The following SOHLH1 variants were observed in gnomAD, a reference collection of about 807,000 sequenced individuals.
SOHLH1 encodes spermatogenesis- and oogenesis-specific basic helix-loop-helix-containing protein 1.
Under a neutral mutation model 36.2 loss-of-function variants are expected in SOHLH1, and 23 were observed. That is an observed-to-expected ratio of 0.64 (90% confidence interval 0.46 to 0.90). The LOEUF (loss-of-function observed/expected upper bound fraction) is 0.90, where lower values mean the gene tolerates loss of function less well. SOHLH1 is among the 40% of genes least tolerant of loss of function. The pLI is 0.00. For synonymous variants in SOHLH1, 289 were observed against 228.3 expected, an observed-to-expected ratio of 1.27 and a Z score of -2.40; for missense variants, 608 against 517.0, an observed-to-expected ratio of 1.18 and a Z score of -1.71.
chr9:135,695,355 A>T, intron 5 of SOHLH1, 92 bp from the exon 6 acceptor site: 1 of 1,222,720 alleles, frequency 8.2e-7, no homozygotes, highest in Non-Finnish European at 1.2e-6. Flanking sequence ...CGGTCCACTC[A>T]CACTGACCGA....
chr9:135,694,422 G>A lies in SOHLH1; in HGVS notation c.911C>T (p.Ser304Phe). The part of the protein sequence containing the change: ...ALGSDVDDGT[S>F]FLLTAGPSSW... ...GCTGGGACCAGCAGTCAGCAGGAAG[G>A]ACGTCCCATCGTCCACATCAGACCC... Residue 304 changes from serine to phenylalanine, a missense_variant, in exon 7 of 8, where the codon TCC becomes TTC. Coordinates refer to ENST00000425225, the MANE Select transcript of SOHLH1 (RefSeq NM_001101677.2). The A allele has an allele frequency of 6.2e-7, 1 of 1,613,224 alleles. No individual in the cohort carries two copies. Among genetic ancestry groups the A allele is most frequent in the Non-Finnish European group, 8.5e-7 (1 of 1,180,010 alleles).
At chr9:135,697,759 CG>C in intron 3 of SOHLH1, 132 bp from the exon 4 acceptor site, 8 of 1,099,618 alleles carry the variant, frequency 7.3e-6, no homozygotes, top group Non-Finnish European at 9.2e-6. Context: ...AACTTGGGGG[CG>C]AGAGTACAGG....
chr9:135,696,851 C>T (rs748887569), intron 4 of SOHLH1, 46 bp from the exon 5 acceptor site: 31 of 1,599,190 alleles, frequency 1.9e-5, no homozygotes, highest in Non-Finnish European at 2.1e-5. Context: ...TTCCCCAGCC[C>T]CCTGGAAGGC....
chr9:135,697,009 C>T (rs916532661), intron 4 of SOHLH1, among the ~76,000 whole-genome samples: 4 of 152,168 alleles, frequency 2.6e-5, no homozygotes, highest in Admixed American at 1.3e-4. Flanking sequence ...CCAACTCCTC[C>T]GGTTCTAGAT....
rs1436100964 is a variant in SOHLH1 at position 135,699,460 on chromosome 9, G to A, written c.8C>T (p.Ser3Phe). ...CTCCGGGTAGGGCTCGGAGCACCGG[G>A]ACGCCATGAACTCGCAGCTGCGGAG... MA[S>F]RCSEPYPEVS... The change falls in exon 1 of 8, where the codon TCC becomes TTC. Residue 3 changes from serine to phenylalanine, a missense_variant. By Grantham distance (155) the Ser-to-Phe change is radical. Transcript: ENST00000425225. 1.9e-6 allele frequency: 3 copies of A among 1,612,210 alleles called. No homozygotes were observed. The highest frequency in any genetic ancestry group is 1.7e-5 in the Admixed American group (1 of 59,950).
upstream of SOHLH1, chr9:135,699,620 C>T (rs187519749): frequency 7.4e-6 from 6 of 806,908 alleles, no homozygotes; most frequent in African/African-American, 1.7e-5. Context: ...GCGCTCTAGC[C>T]CTCCCCACGC....
chr9:135,699,505 C>T (rs769270884), upstream of SOHLH1: 47 of 1,599,912 alleles, frequency 2.9e-5, no homozygotes, highest in East Asian at 2.3e-4. Flanking sequence ...GCGCACGGCC[C>T]CTTCCGCAGG....
At chr9:135,698,212 G>A (rs1834885495) in intron 3 of SOHLH1, 117 bp downstream of exon 3, 3 of 1,430,822 alleles carry the variant, frequency 2.1e-6, no homozygotes, top group African/African-American at 1.4e-5. Flanking sequence ...CTCTAGCCGT[G>A]GAGACCCAGA....
At chr9:135,701,312 A>G (rs1835027781), upstream of SOHLH1, among the ~76,000 whole-genome samples, 1 of 151,114 alleles carries the variant, frequency 6.6e-6, no homozygotes. Context: ...TGGGGAGGCC[A>G]GGGACCACAA....
chr9:135,699,314 A>C, intron 1 of SOHLH1, 89 bp downstream of exon 1: 1 of 1,511,208 alleles, frequency 6.6e-7, no homozygotes, highest in South Asian at 1.2e-5. Flanking sequence ...CAGGAGGCCC[A>C]GGATGGGTGG....
chr9:135,694,688 G>A (rs1454476771), intron 6 of SOHLH1, among the ~76,000 whole-genome samples: 4 of 152,120 alleles, frequency 2.6e-5, no homozygotes, highest in Non-Finnish European at 4.4e-5. Context: ...CATCTCTGCC[G>A]GTTTCTCTCC....
intron 2 of SOHLH1, 88 bp from the exon 3 acceptor site, chr9:135,698,564 C>G: frequency 6.3e-7 from 1 of 1,590,638 alleles, no homozygotes; most frequent in South Asian, 1.1e-5. Context: ...CAGATAGACC[C>G]TGGGCGCTTG....
rs767085747 is a variant in SOHLH1 at position 135,698,507 on chromosome 9, G to GGCCCTCCT, written c.198-39_198-32dup. ...TCCGGTCAAGAAACAAATACCTCTG[G>GGCCCTCCT]GCCCTCCTGCCCTCCCCGAGAAGGG... On this transcript the variant is annotated intron_variant, in intron 2 of 7. Coordinates refer to ENST00000425225, the MANE Select transcript of SOHLH1 (RefSeq NM_001101677.2). 1.9e-6 allele frequency: 3 copies of GGCCCTCCT among 1,612,788 alleles called. No individual in the cohort carries two copies. In the African/African-American group the frequency reaches 4.0e-5, roughly 21 times the overall value.
Position 135,693,585 on chromosome 9 carries a change from ACAG to A in SOHLH1, c.*9_*11del, listed in dbSNP as rs747315965. The stretch of plus-strand genomic sequence containing the variant: ...CACCGGCCCCGCCCGCCTCCTCTCC[ACAG>A]CCTGGCTGCTAGCAGGCAAAGAAGT... On this transcript the variant is annotated 3_prime_UTR_variant, in exon 8 of 8. Coordinates refer to ENST00000425225, the MANE Select transcript of SOHLH1 (RefSeq NM_001101677.2). 54 of 1,554,822 alleles carry A rather than the reference ACAG, an allele frequency of 3.5e-5. No homozygotes were observed. In the African/African-American group the frequency reaches 6.6e-4, roughly 19 times the overall value.
rs760642500 is a variant in SOHLH1 at position 135,695,068 on chromosome 9, A to G, written c.857T>C (p.Met286Thr). The G allele has an allele frequency of 6.3e-7, 1 of 1,597,284 alleles. No homozygotes were observed. The highest frequency in any genetic ancestry group is 8.5e-7 in the Non-Finnish European group (1 of 1,174,180). Residue 286 changes from methionine (M) to threonine (T), a missense_variant, in exon 6 of 8, where the codon ATG (methionine) becomes ACG (threonine). By Grantham distance (81) the Met-to-Thr change is moderately conservative. Transcript: ENST00000425225. Reference protein sequence around the residue: ...PLGEPAKEDPMLAQEAGSALG... With the variant: ...PLGEPAKEDPTLAQEAGSALG... Reference sequence around the variant, plus strand: ...CACTCACCCGGCCTCCTGCGCCAGCATGGGGTCCTCCTTGGCTGGCTCCCC... The same window carrying G: ...CACTCACCCGGCCTCCTGCGCCAGCGTGGGGTCCTCCTTGGCTGGCTCCCC...
At chr9:135,699,604 G>T, upstream of SOHLH1, 1 of 899,540 alleles carries the variant, frequency 1.1e-6, no homozygotes, top group Non-Finnish European at 1.7e-6. Context: ...CGCCCCCATA[G>T]CGCATGCGCT....
chr9:135,696,409 C>T (rs146440937), intron 5 of SOHLH1, among the ~76,000 whole-genome samples: 468 of 152,294 alleles, frequency 3.1e-3, no homozygotes, highest in African/African-American at 0.01. Context: ...CGAGAGCACA[C>T]GTCCTCCTTT....
chr9:135,694,320 C>T (rs1459105190), intron 7 of SOHLH1, 67 bp downstream of exon 7: 2 of 1,609,874 alleles, frequency 1.2e-6, no homozygotes, highest in Middle Eastern at 1.6e-4. Flanking sequence ...GGCCTGAGTC[C>T]CAATTCCCCA....
chr9:135,695,756 A>G (rs1274081628), intron 5 of SOHLH1, among the ~76,000 whole-genome samples: 3 of 152,126 alleles, frequency 2.0e-5, no homozygotes, highest in Admixed American at 6.5e-5. Context: ...TCCAGACGCT[A>G]CCACAGCAGG....
Sources: gnomAD v4.1 joint callset for allele counts (sites outside exome capture counted in the v4.1 genomes callset) on GRCh38, gnomAD v4.1.1 for gene constraint, MANE v1.5 for transcripts, NCBI Gene and HGNC (gene_info 2026-07-23, HGNC 2026-07-21) for gene names.